The following CNOT2 variants were observed in gnomAD, a reference collection of about 807,000 sequenced individuals.
The protein encoded by CNOT2 is CC chemokine receptor 4-negative regulator of transcription 2.
CNOT2 carries 7 observed loss-of-function variants against 72.1 expected under a neutral mutation model. The ratio of observed to expected loss-of-function variants is 0.10; its 90% CI spans 0.06 to 0.18. The LOEUF is 0.18. Ranked by LOEUF, CNOT2 falls within the 10% of genes least tolerant of loss-of-function variation. The pLI is 1.00. For missense variants in CNOT2, 345 were observed against 660.3 expected (o/e 0.52, Z 5.23); for synonymous variants, 196 against 225.6 (o/e 0.87, Z 1.17).
chr12:70,334,803 T>C (rs1880442939), intron 7 of CNOT2: 1 of 152,112 alleles, frequency 6.6e-6, no homozygotes, highest in Non-Finnish European at 1.5e-5. Context: ...TAATATAAAC[T>C]TCTGGGCTTT....
chr12:70,243,683 G>C (rs888151419), intron 1 of CNOT2: 4 of 151,510 alleles, frequency 2.6e-5, no homozygotes, highest in East Asian at 2.0e-4. Context: ...GGCGGGGAGG[G>C]GGGTGGCGGC....
At chr12:70,255,820 G>A (rs1958412474) in intron 1 of CNOT2, among the ~76,000 whole-genome samples, 1 of 152,044 alleles carries the variant, frequency 6.6e-6, no homozygotes, top group Non-Finnish European at 1.5e-5. Flanking sequence ...ATTTAAAATT[G>A]AGCAAATAAC....
intron 1 of CNOT2, among the ~76,000 whole-genome samples, chr12:70,264,951 G>C (rs1958950267): frequency 6.6e-6 from 1 of 151,824 alleles, no homozygotes; most frequent in African/African-American, 2.4e-5. Context: ...TTCATTGATT[G>C]AATTTTGACA....
chr12:70,271,330 CAA>C (rs1249759625), intron 1 of CNOT2, among the ~76,000 whole-genome samples: 4 of 148,238 alleles, frequency 2.7e-5, no homozygotes, highest in Non-Finnish European at 3.0e-5. Context: ...CAATTACTGA[CAA>C]GAGGGATAGG....
At chr12:70,248,823 G>C (rs577618188) in intron 1 of CNOT2, among the ~76,000 whole-genome samples, 2 of 152,166 alleles carry the variant, frequency 1.3e-5, no homozygotes, top group South Asian at 4.1e-4. Flanking sequence ...GTATGATCCA[G>C]TACTCAGGAC....
chr12:70,277,718 A>T (rs184663911), intron 1 of CNOT2, among the ~76,000 whole-genome samples: 1 of 152,182 alleles, frequency 6.6e-6, no homozygotes, highest in African/African-American at 2.4e-5. Flanking sequence ...ATCATATATA[A>T]TCATTTGGAG....
intron 15 of CNOT2, among the ~76,000 whole-genome samples, chr12:70,350,876 A>G (rs899851102): frequency 1.7e-4 from 26 of 152,120 alleles, no homozygotes; most frequent in African/African-American, 6.0e-4. Context: ...AGAATTTGAG[A>G]AAACACCTCT....
chr12:70,243,248 T>C (rs1237370492), upstream of CNOT2: 3 of 151,948 alleles, frequency 2.0e-5, no homozygotes, highest in Non-Finnish European at 2.9e-5. Flanking sequence ...GTAAGGGCGG[T>C]AGGGAAGTGA....
At chr12:70,266,099 G>T (rs1167413444) in intron 1 of CNOT2, among the ~76,000 whole-genome samples, 1 of 149,246 alleles carries the variant, frequency 6.7e-6, no homozygotes, top group Admixed American at 6.7e-5. Flanking sequence ...CGTTGATGTT[G>T]TATTATTATT....
intron 4 of CNOT2, chr12:70,322,120 CA>C (rs1269242653): frequency 6.6e-6 from 1 of 151,768 alleles, no homozygotes; most frequent in Non-Finnish European, 1.5e-5. Context: ...CCTCACTTAA[CA>C]TAAGTTTTTT....
chr12:70,247,541 C>T (rs1387181286), intron 1 of CNOT2, among the ~76,000 whole-genome samples: 5 of 152,120 alleles, frequency 3.3e-5, no homozygotes, highest in Admixed American at 3.3e-4. Flanking sequence ...TTTCACTTCT[C>T]TGTTGTTTGA....
At chr12:70,340,527 A>AC (rs1425482080) in intron 11 of CNOT2, among the ~76,000 whole-genome samples, 3 of 152,060 alleles carry the variant, frequency 2.0e-5, no homozygotes, top group Non-Finnish European at 4.4e-5. Context: ...TTGAATGATC[A>AC]CCCCCCAACT....
intron 2 of CNOT2, among the ~76,000 whole-genome samples, chr12:70,305,016 G>A (rs1874978395): frequency 6.6e-6 from 1 of 152,216 alleles, no homozygotes; most frequent in Admixed American, 6.5e-5. Context: ...TAAACCTGTT[G>A]GAAAAGTGCA....
intron 2 of CNOT2, among the ~76,000 whole-genome samples, chr12:70,291,102 T>C (rs958429370): frequency 6.6e-6 from 1 of 152,186 alleles, no homozygotes; most frequent in East Asian, 1.9e-4. Context: ...TTGGACTGTT[T>C]CCTCTGAATT....
chr12:70,302,801 A>C (rs1199017016), intron 2 of CNOT2, among the ~76,000 whole-genome samples: 1 of 152,170 alleles, frequency 6.6e-6, no homozygotes, highest in African/African-American at 2.4e-5. Context: ...GATCTGTCTA[A>C]TGTTGACAGT....
At chr12:70,267,515 G>C (rs1959107457) in intron 1 of CNOT2, among the ~76,000 whole-genome samples, 1 of 152,156 alleles carries the variant, frequency 6.6e-6, no homozygotes. Context: ...ATGACTCTGT[G>C]GCCAAATAAG....
intron 15 of CNOT2, chr12:70,346,573 A>G (rs2136081668): frequency 3.2e-6 from 1 of 312,770 alleles, no homozygotes; most frequent in South Asian, 1.1e-4. Context: ...TAACATTTGA[A>G]ATATTTTTTG....
intron 15 of CNOT2, chr12:70,347,578 A>T (rs1332743265): frequency 1.3e-5 from 2 of 151,892 alleles, no homozygotes; most frequent in African/African-American, 4.8e-5. Context: ...GCTTGCAGTG[A>T]GCCGAGATCG....
At chr12:70,331,525 A>G (rs1327451557) in intron 6 of CNOT2, 6 of 151,852 alleles carry the variant, frequency 4.0e-5, no homozygotes, top group African/African-American at 2.4e-5. Flanking sequence ...TTTTTAAAAT[A>G]CACTTTGCTT....
Sources: allele counts gnomAD v4.1 joint callset (sites outside exome capture counted in the v4.1 genomes callset), GRCh38; gene constraint gnomAD v4.1.1; transcripts MANE v1.5; gene names NCBI Gene and HGNC (gene_info 2026-07-23, HGNC 2026-07-21).